Variants in DENND2B observed in about 807,000 individuals in gnomAD.
DENND2B encodes DENN domain-containing protein 2B.
Under a neutral mutation model 116.0 loss-of-function variants are expected in DENND2B, and 32 were observed. That is an observed-to-expected ratio of 0.28 (90% CI 0.21 to 0.37). The LOEUF is 0.37. DENND2B is among the 10% of genes least tolerant of loss of function. The pLI is 1.00. For missense variants in DENND2B, 1,276 were observed against 1,477.7 expected (o/e 0.86, Z 2.24); for synonymous variants, 588 against 583.9 (o/e 1.01, Z -0.10).
chr11:8,827,244 A>C (rs139957527), intron 4 of DENND2B, among the ~76,000 whole-genome samples: 7 of 152,322 alleles, frequency 4.6e-5, no homozygotes, highest in African/African-American at 1.7e-4. Context: ...TGAACGACTG[A>C]GAGGAGGAAG....
At position 8,707,837 on chromosome 11, in the gene DENND2B, G is replaced by C; in HGVS notation, c.2370C>G (p.Pro790=). 3 of 1,610,842 alleles carry C rather than the reference G, an allele frequency of 1.9e-6. No individual in the cohort carries two copies. Among genetic ancestry groups the C allele is most frequent in the Non-Finnish European group, 2.5e-6 (3 of 1,178,736 alleles). The stretch of plus-strand genomic sequence containing the variant: ...TGACACAGTACACCTCTGGCAACCG[G>C]GGCCCTTTCCCACTTGGCTGGGCCA... ...CRRLLPSGKG[P]RLPEVYCVIS... The change falls in exon 12 of 20, where the codon CCC becomes CCG. Residue 790 remains proline, a synonymous_variant. Coordinates refer to ENST00000313726, the MANE Select transcript of DENND2B (RefSeq NM_213618.2). The surrounding 1 kb of genome is among the most constrained non-coding windows in gnomAD (Gnocchi z 4.8).
chr11:8,844,106 T>C (rs77893394), intron 3 of DENND2B, among the ~76,000 whole-genome samples: 2,201 of 152,314 alleles, frequency 0.014, 54 homozygotes, highest in African/African-American at 0.05. Flanking sequence ...TGGCATTTTA[T>C]AAATATTTAC....
intron 1 of DENND2B, among the ~76,000 whole-genome samples, chr11:8,800,890 C>T (rs1026309673): frequency 6.6e-6 from 1 of 151,992 alleles, no homozygotes; most frequent in Non-Finnish European, 1.5e-5. Context: ...CATCCCAATC[C>T]ACCACTCCTC....
intron 1 of DENND2B, among the ~76,000 whole-genome samples, chr11:8,770,710 T>C (rs1269820293): frequency 6.6e-6 from 1 of 152,204 alleles, no homozygotes; most frequent in Non-Finnish European, 1.5e-5. Context: ...AATCTTTTTA[T>C]GAGCAGGGTC....
chr11:8,707,321 C>T lies in DENND2B; in HGVS notation c.2431-96G>A. Reference sequence around the variant, plus strand: ...GAGGGCAGCCAAGCATCTGACCAGGCTAGCCCAGAAGCTGGGAGACGGGAA... The same window carrying T: ...GAGGGCAGCCAAGCATCTGACCAGGTTAGCCCAGAAGCTGGGAGACGGGAA... On this transcript the variant is annotated intron_variant, in intron 12 of 19. Coordinates refer to ENST00000313726, the MANE Select transcript of DENND2B (RefSeq NM_213618.2). This position sits in a 1 kb window ranked among gnomAD's most constrained non-coding sequence, Gnocchi z 4.8. The T allele has an allele frequency of 6.7e-7, 1 of 1,487,944 alleles. No homozygotes were observed. The highest frequency in any genetic ancestry group is 1.4e-5 in the South Asian group (1 of 73,650). The allele number at this position is 1,487,944 out of a possible 1,614,324, so 92.2% of individuals were successfully genotyped here. A position where few individuals can be genotyped will look rare whatever the true frequency, so the allele number is the denominator to read the frequency against.
chr11:8,727,902 T>TG (rs1565745363), intron 3 of DENND2B, among the ~76,000 whole-genome samples: 1 of 146,068 alleles, frequency 6.8e-6, no homozygotes, highest in Non-Finnish European at 1.5e-5. Context: ...CTCCCCAGGT[T>TG]TTTTTTTTTT....
chr11:8,901,039 C>A (rs2064161477), intron 1 of DENND2B, among the ~76,000 whole-genome samples: 1 of 150,102 alleles, frequency 6.7e-6, no homozygotes, highest in Non-Finnish European at 1.5e-5. Flanking sequence ...GCGTGAGCCA[C>A]CACACCTGGC....
intron 19 of DENND2B, 64 bp from the exon 20 acceptor site, chr11:8,694,194 C>T (rs2039903156): frequency 1.3e-6 from 2 of 1,583,534 alleles, no homozygotes; most frequent in East Asian, 2.2e-5. Flanking sequence ...CACTCCCTCT[C>T]CTCCTTGTAG....
intron 1 of DENND2B, among the ~76,000 whole-genome samples, chr11:8,794,093 C>A (rs2134353197): frequency 6.6e-6 from 1 of 152,286 alleles, no homozygotes; most frequent in South Asian, 2.1e-4. Flanking sequence ...ACGTATTCCC[C>A]ATTTTGCAAA....
intron 1 of DENND2B, among the ~76,000 whole-genome samples, chr11:8,894,106 C>CT (rs201267021): frequency 0.019 from 2,957 of 152,210 alleles, 40 homozygotes; most frequent in Non-Finnish European, 0.032. Context: ...CATCTACAAC[C>CT]ATCTGATCTT....
intron 4 of DENND2B, among the ~76,000 whole-genome samples, chr11:8,720,270 C>T (rs959347990): frequency 6.6e-6 from 1 of 152,018 alleles, no homozygotes; most frequent in African/African-American, 2.4e-5. Context: ...CCTCCTTCAC[C>T]TCACTCCCTC....
intron 11 of DENND2B, chr11:8,708,129 A>C (rs2042942301): frequency 7.3e-7 from 1 of 1,365,942 alleles, no homozygotes; most frequent in Admixed American, 2.9e-5. Context: ...GAGGACGCTG[A>C]CGGGGGCTGG....
chr11:8,900,743 G>C (rs1488644542), intron 1 of DENND2B, among the ~76,000 whole-genome samples: 1 of 151,926 alleles, frequency 6.6e-6, no homozygotes, highest in Non-Finnish European at 1.5e-5. Flanking sequence ...GAGGTGGGTA[G>C]ATCACCTGAG....
At chr11:8,734,928 G>A (rs372044443) in intron 2 of DENND2B, among the ~76,000 whole-genome samples, 10 of 150,528 alleles carry the variant, frequency 6.6e-5, no homozygotes, top group East Asian at 5.8e-4. Flanking sequence ...TTCACAAGGG[G>A]CTGGCTCTTC....
intron 4 of DENND2B, among the ~76,000 whole-genome samples, chr11:8,828,970 GTGTGTGTGGTGTGCA>G (rs1446684244): frequency 2.0e-5 from 3 of 150,936 alleles, no homozygotes; most frequent in African/African-American, 7.3e-5. Flanking sequence ...GTGTGTGGGT[GTGTGTGTGGTGTGCA>G]TGTGTGTGGT....
At chr11:8,892,179 T>C (rs1386917300) in intron 1 of DENND2B, among the ~76,000 whole-genome samples, 1 of 152,168 alleles carries the variant, frequency 6.6e-6, no homozygotes, top group African/African-American at 2.4e-5. Flanking sequence ...AATAAAGATG[T>C]TCTTTGAAAC....
chr11:8,713,143 G>C (rs2044072924), intron 8 of DENND2B, among the ~76,000 whole-genome samples: 1 of 152,156 alleles, frequency 6.6e-6, no homozygotes, highest in South Asian at 2.1e-4. Flanking sequence ...CATTTGCCTG[G>C]GGATGAGAGG....
intron 2 of DENND2B, among the ~76,000 whole-genome samples, chr11:8,861,530 C>A (rs1164243927): frequency 1.3e-5 from 2 of 152,140 alleles, no homozygotes; most frequent in Non-Finnish European, 2.9e-5. Context: ...AGTCAAAAAA[C>A]AATAGATCTT....
intron 2 of DENND2B, among the ~76,000 whole-genome samples, chr11:8,868,755 T>G (rs1277393049): frequency 6.6e-6 from 1 of 152,220 alleles, no homozygotes; most frequent in Non-Finnish European, 1.5e-5. Context: ...CTCCATTCTC[T>G]TGAAAGCTTT....
Sources: allele counts gnomAD v4.1 joint callset (sites outside exome capture counted in the v4.1 genomes callset), GRCh38; gene constraint gnomAD v4.1.1; non-coding constraint Gnocchi (gnomAD v3.1); transcripts MANE v1.5; gene names NCBI Gene and HGNC (gene_info 2026-07-23, HGNC 2026-07-21).